The following ZZZ3 variants were observed in gnomAD, a reference collection of about 807,000 sequenced individuals.
The protein encoded by ZZZ3 is zinc finger ZZ-type containing 3.
A neutral mutation model predicts 95.2 loss-of-function variants in ZZZ3; 22 were observed. That is an observed-to-expected ratio of 0.23 (90% CI 0.17 to 0.33). ZZZ3 has a LOEUF of 0.33. Among genes scored for constraint, ZZZ3 ranks in the 10% least tolerant of loss-of-function variants. The pLI, the probability that ZZZ3 is intolerant of heterozygous loss-of-function variation, is 1.00. For missense variants in ZZZ3, 885 were observed against 1,066.5 expected, an observed-to-expected ratio of 0.83 and a Z score of 2.37; for synonymous variants, 335 against 358.9, an observed-to-expected ratio of 0.93 and a Z score of 0.75.
In ZZZ3 at chr1:77,632,195, G is replaced by C. The variant is rs1220188531; in HGVS notation, c.1160C>G (p.Pro387Arg). The C allele has an allele frequency of 6.2e-7, 1 of 1,614,022 alleles. No homozygotes were observed. Among genetic ancestry groups the C allele is most frequent in the South Asian group, 1.1e-5 (1 of 91,076 alleles). The part of the protein sequence containing the change: ...TLRTSPRRAA[P>R]TRGSPTKNSS... ...GTTTTTAGTGGGACTACCTCTGGTA[G>C]GGGCTGCCCTTCGTGGTGAGGTTCT... Residue 387 changes from proline to arginine, a missense_variant, in exon 5 of 15, where the codon CCT becomes CGT. Physicochemically the swap from Pro to Arg is moderately radical, Grantham distance 103. Coordinates refer to ENST00000370801, the MANE Select transcript of ZZZ3 (RefSeq NM_015534.6).
chr1:77,656,198 T>C (rs1401698256), intron 1 of ZZZ3, among the ~76,000 whole-genome samples: 3 of 152,206 alleles, frequency 2.0e-5, no homozygotes, highest in Admixed American at 6.5e-5. Context: ...ATTTTGAAAA[T>C]GCTTACAAAA....
intron 5 of ZZZ3, among the ~76,000 whole-genome samples, chr1:77,620,895 C>T (rs1022211249): frequency 6.6e-6 from 1 of 152,088 alleles, no homozygotes; most frequent in Admixed American, 6.6e-5. Flanking sequence ...GTAACTGAAG[C>T]CTAAGCAGTG....
At chr1:77,635,299 A>T (rs1016135000) in intron 4 of ZZZ3, among the ~76,000 whole-genome samples, 2 of 152,202 alleles carry the variant, frequency 1.3e-5, no homozygotes, top group Non-Finnish European at 2.9e-5. Flanking sequence ...CAATTTTTTT[A>T]AATCTTATAA....
chr1:77,579,990 T>C (rs1267039143), intron 9 of ZZZ3: 1 of 154,908 alleles, frequency 6.5e-6, no homozygotes, highest in African/African-American at 2.4e-5. Context: ...GGTCAATCTT[T>C]TCTTACTTTT....
At position 77,679,582 on chromosome 1, in the gene ZZZ3, A is replaced by T. The variant is rs543158926; in HGVS notation, c.-403+3003T>A. Among the ~76,000 whole-genome samples the T allele has an allele frequency of 8.5e-5, 13 of 152,314 alleles. No homozygotes were observed. In the South Asian group the frequency reaches 2.7e-3, roughly 32 times the overall value. ...ATTACAGGCGTGAGCCACCAGGCCC[A>T]GCTTAAGGTAACTTAAAGTTACAGG... On this transcript the variant is annotated intron_variant, in intron 1 of 14. Transcript: ENST00000370801.
At chr1:77,640,972 T>C (rs1202948973) in intron 3 of ZZZ3, 1 of 152,204 alleles carries the variant, frequency 6.6e-6, no homozygotes, top group Non-Finnish European at 1.5e-5. Context: ...AATTGTCTAA[T>C]AACCATTTAA....
intron 5 of ZZZ3, among the ~76,000 whole-genome samples, chr1:77,626,919 G>A (rs1667392348): frequency 6.6e-6 from 1 of 152,006 alleles, no homozygotes; most frequent in African/African-American, 2.4e-5. Flanking sequence ...TTAAAATAAT[G>A]AACATGAAAG....
intron 12 of ZZZ3, among the ~76,000 whole-genome samples, chr1:77,573,511 CAT>C (rs1661622553): frequency 6.6e-6 from 1 of 152,182 alleles, no homozygotes; most frequent in Admixed American, 6.5e-5. Context: ...AAAGATCAGA[CAT>C]ATTTTGTTCA....
At chr1:77,651,560 T>A (rs533344939) in intron 1 of ZZZ3, among the ~76,000 whole-genome samples, 1 of 152,064 alleles carries the variant, frequency 6.6e-6, no homozygotes, top group African/African-American at 2.4e-5. Flanking sequence ...AAAAACAGAA[T>A]GGTGGTTGCC....
chr1:77,656,137 TAC>T (rs1027426101), intron 1 of ZZZ3, among the ~76,000 whole-genome samples: 3 of 152,240 alleles, frequency 2.0e-5, no homozygotes, highest in Admixed American at 2.0e-4. Flanking sequence ...TTCATCAACT[TAC>T]AGTTTTCCTC....
At chr1:77,652,711 C>T (rs1335032374) in intron 1 of ZZZ3, among the ~76,000 whole-genome samples, 1 of 152,112 alleles carries the variant, frequency 6.6e-6, no homozygotes, top group African/African-American at 2.4e-5. Flanking sequence ...CCATCAACTG[C>T]TGAGTGAATA....
chr1:77,601,970 AG>A (rs1329527771), intron 5 of ZZZ3, among the ~76,000 whole-genome samples: 1 of 152,238 alleles, frequency 6.6e-6, no homozygotes, highest in African/African-American at 2.4e-5. Context: ...ATGTTGGCTA[AG>A]GAAGTTCCGC....
chr1:77,632,692 A>G lies in ZZZ3; in HGVS notation c.663T>C (p.Asp221=). 6.2e-7 allele frequency: 1 copy of G among 1,614,098 alleles called. No individual in the cohort carries two copies. The highest frequency in any genetic ancestry group is 2.2e-5 in the East Asian group (1 of 44,892). ...AVINCDDCQP[D]GNTKQNSIGS... is the part of the protein sequence containing the mutation. ...CAATGCTATTTTGTTTAGTGTTCCC[A>G]TCAGGCTGACAGTCATCACAGTTTA... Residue 221 remains aspartate, a synonymous_variant, in exon 5 of 15, where the codon GAT becomes GAC. Coordinates refer to ENST00000370801, the MANE Select transcript of ZZZ3 (RefSeq NM_015534.6).
intron 5 of ZZZ3, among the ~76,000 whole-genome samples, chr1:77,597,724 T>C (rs1000863243): frequency 1.4e-4 from 22 of 151,918 alleles, no homozygotes; most frequent in African/African-American, 5.3e-4. Context: ...ACTGTTCAGA[T>C]CAACAACAAG....
chr1:77,576,655 C>T (rs534780288), intron 11 of ZZZ3, among the ~76,000 whole-genome samples: 8 of 152,158 alleles, frequency 5.3e-5, no homozygotes, highest in East Asian at 1.9e-4. Flanking sequence ...ACTTATCTAA[C>T]ATTGATTGAC....
At chr1:77,590,948 G>A (rs911088459) in intron 5 of ZZZ3, among the ~76,000 whole-genome samples, 3 of 152,264 alleles carry the variant, frequency 2.0e-5, no homozygotes, top group Non-Finnish European at 4.4e-5. Context: ...TTAACAACTG[G>A]TGAATTTAGG....
intron 5 of ZZZ3, 65 bp from the exon 6 acceptor site, chr1:77,584,720 T>A: frequency 7.3e-7 from 1 of 1,372,792 alleles, no homozygotes; most frequent in Non-Finnish European, 9.7e-7. Context: ...AAAAACTGAG[T>A]TCAAGCCATG....
At chr1:77,646,616 CT>C (rs2100936506) in intron 1 of ZZZ3, among the ~76,000 whole-genome samples, 1 of 152,294 alleles carries the variant, frequency 6.6e-6, no homozygotes, top group Admixed American at 6.5e-5. Context: ...ACTTATGCTT[CT>C]TGCCAACATA....
At chr1:77,582,216 C>T in intron 6 of ZZZ3, 90 bp from the exon 7 acceptor site, 2 of 1,172,638 alleles carry the variant, frequency 1.7e-6, no homozygotes, top group Non-Finnish European at 2.4e-6. Context: ...CAGATGACTC[C>T]AAATCCAAAT....
Sources: allele counts gnomAD v4.1 joint callset (sites outside exome capture counted in the v4.1 genomes callset), GRCh38; gene constraint gnomAD v4.1.1; transcripts MANE v1.5; gene names NCBI Gene and HGNC (gene_info 2026-07-23, HGNC 2026-07-21).